SINHCAF: variants seen among roughly 807,000 people sequenced by gnomAD.
The protein encoded by SINHCAF is SIN3-HDAC complex associated factor.
Under a neutral mutation model 25.8 loss-of-function variants are expected in SINHCAF, and 3 were observed. That is an observed-to-expected ratio of 0.12 (90% CI 0.05 to 0.30). SINHCAF has a LOEUF of 0.30. Ranked by LOEUF, SINHCAF falls within the 10% of genes least tolerant of loss-of-function variation. The probability of loss-of-function intolerance (pLI) is 1.00; values close to 1 mark genes in which losing one functional copy is unlikely to be tolerated. For missense variants in SINHCAF, 121 were observed against 262.3 expected (o/e 0.46, Z 3.72); for synonymous variants, 70 against 85.5 (o/e 0.82, Z 1.00).
rs202153972 is a variant in SINHCAF at position 31,295,225 on chromosome 12, T to C, written c.228+9A>G. 37 of 1,559,588 alleles carry C rather than the reference T, an allele frequency of 2.4e-5. No individual in the cohort carries two copies. Among genetic ancestry groups the C allele is most frequent in the Admixed American group, 3.6e-5 (2 of 54,952 alleles). ...AGGTATAATTGAGAAAAAAGAAAGA[T>C]GGACTAACATGATTCCAGTTTTTTT... On this transcript the variant is annotated intron_variant, in intron 3 of 5. Coordinates refer to ENST00000337682, the MANE Select transcript of SINHCAF (RefSeq NM_001135812.2).
chr12:31,295,374 C>T (rs1938507073), intron 2 of SINHCAF, 41 bp from the exon 3 acceptor site: 1 of 1,324,518 alleles, frequency 7.5e-7, no homozygotes. Flanking sequence ...TCTCCCTTAC[C>T]TTAAAGAATT....
chr12:31,319,865 T>C (rs1427034530), intron 1 of SINHCAF, among the ~76,000 whole-genome samples: 2 of 152,178 alleles, frequency 1.3e-5, no homozygotes, highest in Non-Finnish European at 2.9e-5. Flanking sequence ...GATTATATAA[T>C]CTTCCCTCCA....
At chr12:31,298,347 A>G in intron 1 of SINHCAF, 123 bp from the exon 2 acceptor site, 1 of 1,098,786 alleles carries the variant, frequency 9.1e-7, no homozygotes. Context: ...ACAGGCAGGC[A>G]GCTCAAGGGA....
chr12:31,306,570 G>A (rs1180918166), intron 1 of SINHCAF, among the ~76,000 whole-genome samples: 2 of 152,146 alleles, frequency 1.3e-5, no homozygotes, highest in East Asian at 3.9e-4. Context: ...CTTTAGCGTA[G>A]ATTTAACTGT....
intron 1 of SINHCAF, among the ~76,000 whole-genome samples, chr12:31,319,196 A>G (rs1224311506): frequency 6.6e-6 from 1 of 152,240 alleles, no homozygotes; most frequent in Non-Finnish European, 1.5e-5. Flanking sequence ...AAACCTCAGG[A>G]AAGTTCCTTA....
In SINHCAF at chr12:31,324,649, G is replaced by A. The variant is rs1939879040; in HGVS notation, c.-21+1375C>T. 3.3e-6 allele frequency: 1 copy of A among 303,198 alleles called. No individual in the cohort carries two copies. The highest frequency in any genetic ancestry group is 6.5e-6 in the Non-Finnish European group (1 of 153,686). The allele number at this position is 303,198 out of a possible 1,614,324, so 18.8% of individuals were successfully genotyped here. ...CCGGGGGCCCGCACGGGCACATGCAGCCCTTTGTTTTCTGTCCAGCCGGGC... is the reference window on the plus strand; with the variant it reads ...CCGGGGGCCCGCACGGGCACATGCAACCCTTTGTTTTCTGTCCAGCCGGGC... On this transcript the variant is annotated intron_variant, in intron 1 of 5. Transcript: ENST00000337682. This position sits in a 1 kb window ranked among gnomAD's most constrained non-coding sequence, Gnocchi z 5.5.
rs1001459710 is a variant in SINHCAF, at chr12:31,324,457, G to C, written c.-21+1567C>G. 6 of 160,088 alleles carry C rather than the reference G, an allele frequency of 3.7e-5. No homozygotes were observed. Among genetic ancestry groups the C allele is most frequent in the African/African-American group, 1.2e-4 (5 of 41,456 alleles). The allele number at this position is 160,088 out of a possible 1,614,324, so 9.9% of individuals were successfully genotyped here. On this transcript the variant is annotated intron_variant, in intron 1 of 5. Coordinates refer to ENST00000337682, the MANE Select transcript of SINHCAF (RefSeq NM_001135812.2). The surrounding 1 kb of genome is among the most constrained non-coding windows in gnomAD (Gnocchi z 5.5). The stretch of plus-strand genomic sequence containing the variant: ...GGTCGCCCGCCCGCACGCCCGGAGC[G>C]GGGAAGCACGCCGCCTCCCTACGCA...
chr12:31,307,616 G>A (rs568491162), intron 1 of SINHCAF, among the ~76,000 whole-genome samples: 1 of 152,254 alleles, frequency 6.6e-6, no homozygotes, highest in East Asian at 1.9e-4. Context: ...GGTAACATTA[G>A]AGGATAATAA....
intron 1 of SINHCAF, among the ~76,000 whole-genome samples, chr12:31,320,192 C>T (rs1363572804): frequency 6.6e-6 from 1 of 152,176 alleles, no homozygotes; most frequent in East Asian, 1.9e-4. Flanking sequence ...TATCTAAACT[C>T]CTTGGCAAGG....
At chr12:31,300,499 G>A (rs1938743765) in intron 1 of SINHCAF, among the ~76,000 whole-genome samples, 1 of 152,240 alleles carries the variant, frequency 6.6e-6, no homozygotes, top group South Asian at 2.1e-4. Context: ...ATGTCTTTGA[G>A]AGGAAGAAAA....
At chr12:31,304,832 G>A (rs56207688) in intron 1 of SINHCAF, 4 of 152,266 alleles carry the variant, frequency 2.6e-5, no homozygotes, top group Non-Finnish European at 5.9e-5. Context: ...CAGAGACCCT[G>A]AAAAGTCAAG....
At chr12:31,309,333 T>C (rs1479120820) in intron 1 of SINHCAF, among the ~76,000 whole-genome samples, 8 of 152,138 alleles carry the variant, frequency 5.3e-5, no homozygotes, top group Admixed American at 1.3e-4. Context: ...CAGGGAATAA[T>C]AAAACCTCTC....
chr12:31,311,595 C>G (rs183972723), intron 1 of SINHCAF: 20 of 311,908 alleles, frequency 6.4e-5, no homozygotes, highest in Middle Eastern at 1.0e-3. Context: ...GGTCCCGCAG[C>G]CCCCTGGACC....
At chr12:31,285,418 T>TAC (rs71444392) in intron 5 of SINHCAF, among the ~76,000 whole-genome samples, 8,584 of 141,352 alleles carry the variant, frequency 0.061, 249 homozygotes, top group Middle Eastern at 0.082. Flanking sequence ...TATATATACA[T>TAC]ACACACACAC....
chr12:31,305,409 A>G (rs1938981029), intron 1 of SINHCAF, among the ~76,000 whole-genome samples: 1 of 152,148 alleles, frequency 6.6e-6, no homozygotes, highest in Non-Finnish European at 1.5e-5. Context: ...GTAAATTTGT[A>G]TCAGTCATCT....
At chr12:31,306,631 C>T (rs555107942) in intron 1 of SINHCAF, among the ~76,000 whole-genome samples, 1 of 152,322 alleles carries the variant, frequency 6.6e-6, no homozygotes, top group South Asian at 2.1e-4. Flanking sequence ...AAATGCAGCA[C>T]TCTTAGCTAC....
intron 1 of SINHCAF, among the ~76,000 whole-genome samples, chr12:31,323,014 G>A (rs74698007): frequency 0.011 from 1,735 of 152,224 alleles, 17 homozygotes; most frequent in East Asian, 0.037. Flanking sequence ...CGGGATCTGG[G>A]AAGAAGCTAG....
chr12:31,297,313 G>A (rs1293913227), intron 2 of SINHCAF, among the ~76,000 whole-genome samples: 2 of 151,820 alleles, frequency 1.3e-5, no homozygotes, highest in Non-Finnish European at 2.9e-5. Flanking sequence ...GTACCGCCAC[G>A]TCTGGTGAGT....
At chr12:31,323,912 C>G (rs1451752796) in intron 1 of SINHCAF, 3 of 454,336 alleles carry the variant, frequency 6.6e-6, no homozygotes, top group Non-Finnish European at 1.3e-5. Flanking sequence ...TAAAATGCCT[C>G]CCCGCTCCTC....
Sources: gnomAD v4.1 joint callset for allele counts (sites outside exome capture counted in the v4.1 genomes callset) on GRCh38, gnomAD v4.1.1 for gene constraint, Gnocchi (gnomAD v3.1) non-coding constraint, MANE v1.5 for transcripts, NCBI Gene and HGNC (gene_info 2026-07-23, HGNC 2026-07-21) for gene names.